ST18: variants seen among roughly 807,000 people sequenced by gnomAD.
ST18 encodes suppression of tumorigenicity 18 protein.
A neutral mutation model predicts 110.0 loss-of-function variants in ST18; 50 were observed. That is an observed-to-expected ratio of 0.45 (90% confidence interval 0.36 to 0.58). ST18 has a LOEUF of 0.58. Among genes scored for constraint, ST18 ranks in the 20% least tolerant of loss-of-function variants. The pLI is 0.00. For synonymous variants in ST18, 461 were observed against 452.4 expected, an observed-to-expected ratio of 1.02 and a Z score of -0.24; for missense variants, 1,306 against 1,280.1, an observed-to-expected ratio of 1.02 and a Z score of -0.31.
intron 2 of ST18, among the ~76,000 whole-genome samples, chr8:52,364,804 T>G (rs1293301197): frequency 6.6e-6 from 1 of 152,118 alleles, no homozygotes; most frequent in African/African-American, 2.4e-5. Context: ...CAAGTGTAAT[T>G]TACTCCTATA....
At chr8:52,135,141 T>C (rs2051475808) in intron 19 of ST18, among the ~76,000 whole-genome samples, 1 of 152,208 alleles carries the variant, frequency 6.6e-6, no homozygotes, top group African/African-American at 2.4e-5. Context: ...GATGTTTTGG[T>C]ACATCTCACT....
rs148029896 is a variant in ST18, at chr8:52,133,259, T to C, written c.2343A>G (p.Gly781=). 3.3e-5 allele frequency: 53 copies of C among 1,614,048 alleles called. No individual in the cohort carries two copies. In the African/African-American group the frequency reaches 6.7e-4, roughly 20 times the overall value. ...CCTACCTTCTGTGGGAAGCATAGTT[T>C]CCAGTCACGTGCCCCGAGCCATCGC... The part of the protein sequence containing the change: ...PGCDGSGHVT[G]NYASHRSLSG... The change falls in exon 20 of 26, where the codon GGA becomes GGG. Residue 781 remains glycine (G), a synonymous_variant. Coordinates refer to ENST00000689386, the MANE Select transcript of ST18 (RefSeq NM_001352837.2).
chr8:52,310,930 C>T (rs2095895787), intron 2 of ST18, among the ~76,000 whole-genome samples: 1 of 152,172 alleles, frequency 6.6e-6, no homozygotes, highest in Non-Finnish European at 1.5e-5. Flanking sequence ...TGGCAGCAGT[C>T]ACCAGGAATG....
At chr8:52,332,786 G>A (rs1477436268) in intron 2 of ST18, among the ~76,000 whole-genome samples, 1 of 152,070 alleles carries the variant, frequency 6.6e-6, no homozygotes, top group Non-Finnish European at 1.5e-5. Context: ...GGGAGGCAGA[G>A]GTTGCAGTGA....
intron 2 of ST18, among the ~76,000 whole-genome samples, chr8:52,280,192 G>C (rs150798225): frequency 0.011 from 1,609 of 152,042 alleles, 25 homozygotes; most frequent in Admixed American, 0.051. Flanking sequence ...ATATTAATCA[G>C]TTTAAAATAA....
chr8:52,348,833 T>C (rs1375371057), intron 2 of ST18, among the ~76,000 whole-genome samples: 1 of 152,186 alleles, frequency 6.6e-6, no homozygotes. Context: ...CTAATCAACA[T>C]ATTATTATTA....
chr8:52,160,648 T>C (rs1453983849), intron 14 of ST18, among the ~76,000 whole-genome samples: 1 of 152,232 alleles, frequency 6.6e-6, no homozygotes, highest in Admixed American at 6.5e-5. Context: ...TTCCCAATAT[T>C]TACTTTCACA....
At chr8:52,234,728 G>GGGGTGTGT (rs1554762425) in intron 2 of ST18, among the ~76,000 whole-genome samples, 6 of 145,612 alleles carry the variant, frequency 4.1e-5, no homozygotes, top group Admixed American at 6.8e-5. Flanking sequence ...AAGAAACTAT[G>GGGGTGTGT]GTGTGTGTGT....
chr8:52,213,878 G>A (rs557768511), intron 7 of ST18, among the ~76,000 whole-genome samples: 1 of 152,252 alleles, frequency 6.6e-6, no homozygotes, highest in African/African-American at 2.4e-5. Context: ...GGCCATTAAA[G>A]GTCACTTCCA....
intron 2 of ST18, among the ~76,000 whole-genome samples, chr8:52,284,741 G>C (rs1589609918): frequency 6.6e-6 from 1 of 152,144 alleles, no homozygotes; most frequent in East Asian, 1.9e-4. Context: ...GAGAAGGAAT[G>C]GGAAATTGAA....
intron 2 of ST18, among the ~76,000 whole-genome samples, chr8:52,278,231 G>A (rs1024500262): frequency 5.3e-5 from 8 of 152,146 alleles, no homozygotes; most frequent in Admixed American, 1.3e-4. Flanking sequence ...GACATCATAC[G>A]TTCTGGGAAA....
At chr8:52,395,743 G>C (rs1390862589) in intron 2 of ST18, among the ~76,000 whole-genome samples, 1 of 152,178 alleles carries the variant, frequency 6.6e-6, no homozygotes, top group Non-Finnish European at 1.5e-5. Context: ...TTGGGGATGA[G>C]CATGCCTGGA....
chr8:52,343,652 A>C (rs988472106), intron 2 of ST18, among the ~76,000 whole-genome samples: 1 of 152,184 alleles, frequency 6.6e-6, no homozygotes, highest in Non-Finnish European at 1.5e-5. Flanking sequence ...TAAAAGTATC[A>C]CCACAGGATT....
chr8:52,133,312 C>A lies in ST18; in HGVS notation c.2301-11G>T. On this transcript the variant is annotated splice_polypyrimidine_tract_variant and intron_variant, in intron 19 of 25. Transcript: ENST00000689386. Reference sequence around the variant, plus strand: ...CCTGGGGTTGGACACCTGGAAGGCACAGGAAGAGAGCATGGGCTGAGAAGT... The same window carrying A: ...CCTGGGGTTGGACACCTGGAAGGCAAAGGAAGAGAGCATGGGCTGAGAAGT... 1.2e-6 allele frequency: 2 copies of A among 1,614,070 alleles called. No individual in the cohort carries two copies. Among genetic ancestry groups the A allele is most frequent in the Non-Finnish European group, 1.7e-6 (2 of 1,180,032 alleles).
intron 2 of ST18, among the ~76,000 whole-genome samples, chr8:52,257,244 T>A (rs542563995): frequency 1.3e-5 from 2 of 152,324 alleles, no homozygotes; most frequent in South Asian, 4.1e-4. Context: ...CTATAAACAT[T>A]CATGTACAAG....
chr8:52,319,109 A>G (rs529748052), intron 2 of ST18, among the ~76,000 whole-genome samples: 3 of 152,322 alleles, frequency 2.0e-5, no homozygotes, highest in Admixed American at 2.0e-4. Context: ...ATTTAAAAAA[A>G]ATTATTTTTA....
At chr8:52,251,860 G>A (rs997435588) in intron 2 of ST18, among the ~76,000 whole-genome samples, 6 of 151,888 alleles carry the variant, frequency 4.0e-5, no homozygotes, top group South Asian at 4.1e-4. Flanking sequence ...TTTATATACC[G>A]CTTGGGATTT....
At chr8:52,222,005 C>A (rs1416485419) in intron 3 of ST18, 1 of 152,068 alleles carries the variant, frequency 6.6e-6, no homozygotes, top group African/African-American at 2.4e-5. Context: ...CCTGCCTATT[C>A]CCCTTTGTTT....
chr8:52,203,383 C>G (rs1412767015), intron 8 of ST18, among the ~76,000 whole-genome samples: 1 of 152,062 alleles, frequency 6.6e-6, no homozygotes, highest in Non-Finnish European at 1.5e-5. Context: ...TTCTGCCAAC[C>G]TTTGTACCAT....
Sources: allele counts gnomAD v4.1 joint callset (sites outside exome capture counted in the v4.1 genomes callset), GRCh38; gene constraint gnomAD v4.1.1; transcripts MANE v1.5; gene names NCBI Gene and HGNC (gene_info 2026-07-23, HGNC 2026-07-21).